The following TMEM41B variants were observed in gnomAD, a reference collection of about 807,000 sequenced individuals.
TMEM41B encodes protein stasimon.
In TMEM41B, 18 loss-of-function variants were observed where a neutral mutation model predicts 31.9. That is an observed-to-expected ratio of 0.56 (90% CI 0.39 to 0.84). The LOEUF (loss-of-function observed/expected upper bound fraction) is 0.84. TMEM41B is among the 40% of genes least tolerant of loss of function. The pLI is 0.00. For synonymous variants in TMEM41B, 144 were observed against 124.3 expected (o/e 1.16, Z -1.05); for missense variants, 322 against 348.0 (o/e 0.93, Z 0.59).
intron 1 of TMEM41B, among the ~76,000 whole-genome samples, chr11:9,310,208 G>C (rs1455989810): frequency 6.6e-6 from 1 of 151,514 alleles, no homozygotes; most frequent in Non-Finnish European, 1.5e-5. Flanking sequence ...GCTAATTTTT[G>C]TATTTTTAGT....
intron 1 of TMEM41B, among the ~76,000 whole-genome samples, chr11:9,306,536 A>T (rs1403964083): frequency 6.6e-6 from 1 of 152,066 alleles, no homozygotes; most frequent in African/African-American, 2.4e-5. Flanking sequence ...TACAAAAAAA[A>T]TTAGCCGGGC....
At chr11:9,291,456 C>CAGT (rs1322525587) in intron 3 of TMEM41B, among the ~76,000 whole-genome samples, 1 of 151,778 alleles carries the variant, frequency 6.6e-6, no homozygotes, top group Admixed American at 6.6e-5. Flanking sequence ...GGCTGGAGTG[C>CAGT]AGTGGCATGA....
intron 1 of TMEM41B, among the ~76,000 whole-genome samples, chr11:9,312,894 A>C (rs559779519): frequency 2.4e-5 from 3 of 124,262 alleles, no homozygotes; most frequent in Non-Finnish European, 4.9e-5. Flanking sequence ...ACAGACCGAG[A>C]CTCCGTCTCA....
At position 9,314,493 on chromosome 11, in the gene TMEM41B, A is replaced by G; in HGVS notation, c.-52T>C. On this transcript the variant is annotated 5_prime_UTR_variant, in exon 1 of 7. Transcript: ENST00000528080. The stretch of plus-strand genomic sequence containing the variant: ...GCGGTGCCGCGCCCCCTAAACAACA[A>G]AACTCTGTTGCAGGCTCCTTACTAC... 1 of 1,514,070 alleles carries G rather than the reference A, an allele frequency of 6.6e-7. No homozygotes were observed. Among genetic ancestry groups the G allele is most frequent in the Non-Finnish European group, 8.9e-7 (1 of 1,126,652 alleles). 93.8% of individuals were successfully genotyped at this position (1,514,070 alleles called of 1,614,324 possible).
At chr11:9,286,101 C>T (rs1354025936) in intron 6 of TMEM41B, among the ~76,000 whole-genome samples, 2 of 151,872 alleles carry the variant, frequency 1.3e-5, no homozygotes, top group Admixed American at 1.3e-4. Context: ...GGCGACAGAT[C>T]GAGACTCAGG....
intron 2 of TMEM41B, among the ~76,000 whole-genome samples, chr11:9,296,363 C>G (rs1350328107): frequency 6.6e-6 from 1 of 151,940 alleles, no homozygotes; most frequent in African/African-American, 2.4e-5. Flanking sequence ...TGGTGGCTCA[C>G]GCCTGTAACC....
chr11:9,312,857 T>C (rs557832637), intron 1 of TMEM41B, among the ~76,000 whole-genome samples: 35 of 146,518 alleles, frequency 2.4e-4, no homozygotes, highest in Admixed American at 2.0e-3. Context: ...TGAGCCAAGA[T>C]TGCGCCACTG....
chr11:9,295,145 T>A, intron 3 of TMEM41B, 114 bp downstream of exon 3: 1 of 1,147,054 alleles, frequency 8.7e-7, no homozygotes, highest in African/African-American at 1.6e-5. Context: ...TTTAATATTG[T>A]CACACTGCAA....
At position 9,298,112 on chromosome 11, in the gene TMEM41B, C is replaced by T. The variant is rs1229010094; in HGVS notation, c.239+1472G>A. Among the ~76,000 whole-genome samples, 3 of 149,386 alleles carry T rather than the reference C, an allele frequency of 2.0e-5. No homozygotes were observed. The East Asian group carries it at 5.9e-4, about 29-fold the overall frequency. On this transcript the variant is annotated intron_variant, in intron 2 of 6. Transcript: ENST00000528080. ...AGGTGTGAGCCCCTCTTTCTCAAGT[C>T]CAGTAAGATACCCAGTAAACTAAAG...
At chr11:9,300,650 G>A (rs915425600) in intron 1 of TMEM41B, among the ~76,000 whole-genome samples, 6 of 152,006 alleles carry the variant, frequency 3.9e-5, no homozygotes, top group South Asian at 2.1e-4. Context: ...AGGCCGAAGC[G>A]GGCAGATCAT....
At chr11:9,296,948 A>G (rs1326941988) in intron 2 of TMEM41B, among the ~76,000 whole-genome samples, 2 of 151,042 alleles carry the variant, frequency 1.3e-5, no homozygotes, top group Non-Finnish European at 3.0e-5. Context: ...GCAGGCTCCC[A>G]TGCTCTGTCA....
chr11:9,312,903 CAAAAA>C (rs36030741), intron 1 of TMEM41B, among the ~76,000 whole-genome samples: 1 of 95,338 alleles, frequency 1.0e-5, no homozygotes. Flanking sequence ...GACTCCGTCT[CAAAAA>C]AAAAAAAAAA....
At chr11:9,299,064 T>C (rs1053844160) in intron 2 of TMEM41B, among the ~76,000 whole-genome samples, 1 of 151,762 alleles carries the variant, frequency 6.6e-6, no homozygotes, top group Non-Finnish European at 1.5e-5. Context: ...GTGGATCACC[T>C]GAGGTCAGGA....
Position 9,295,326 on chromosome 11 carries a change from CTT to C in TMEM41B, c.299_300del (p.Lys100SerfsTer91). 6.2e-7 allele frequency: 1 copy of C among 1,600,474 alleles called. No homozygotes were observed. The highest frequency in any genetic ancestry group is 8.5e-7 in the Non-Finnish European group (1 of 1,171,974). ...AAGGTGTCCTTGTATTTGGATAAAA[CTT>C]TTCCTAGAGCCTTGGCATCATCCAT... ...RDMDDAKALG[K>X]VLSKYKDTFY... On this transcript the variant is annotated frameshift_variant, in exon 3 of 7. Transcript: ENST00000528080. LOFTEE classifies it high-confidence loss of function.
rs529612865 is a variant in TMEM41B at position 9,314,501 on chromosome 11, T to G, written c.-60A>C. The stretch of plus-strand genomic sequence containing the variant: ...GCGCCCCCTAAACAACAAAACTCTG[T>G]TGCAGGCTCCTTACTACGCCGAAGC... On this transcript the variant is annotated 5_prime_UTR_variant, in exon 1 of 7. Transcript: ENST00000528080. 3.7e-4 allele frequency: 553 copies of G among 1,500,620 alleles called. No individual in the cohort carries two copies. Among genetic ancestry groups the G allele is most frequent in the Admixed American group, 4.1e-4 (19 of 46,006 alleles). The allele number at this position is 1,500,620 out of a possible 1,614,324, so 93.0% of individuals were successfully genotyped here.
At chr11:9,294,401 T>A (rs1431959451) in intron 3 of TMEM41B, among the ~76,000 whole-genome samples, 2 of 150,246 alleles carry the variant, frequency 1.3e-5, no homozygotes, top group Admixed American at 1.3e-4. Flanking sequence ...AGGCTGAGAC[T>A]GGAGAATCGC....
chr11:9,314,528 CCA>C lies in TMEM41B; in HGVS notation c.-89_-88del, dbSNP rs1390377003. On this transcript the variant is annotated 5_prime_UTR_variant, in exon 1 of 7. Transcript: ENST00000528080. The stretch of plus-strand genomic sequence containing the variant: ...GCAGGCTCCTTACTACGCCGAAGCG[CCA>C]CGGCTAGAGCCACTTCCGGCGCGAC... The C allele has an allele frequency of 6.0e-5, 87 of 1,453,792 alleles. No homozygotes were observed. Among genetic ancestry groups the C allele is most frequent in the Non-Finnish European group, 1.4e-5 (15 of 1,100,020 alleles). The allele number at this position is 1,453,792 out of a possible 1,614,324, so 90.1% of individuals were successfully genotyped here.
intron 3 of TMEM41B, among the ~76,000 whole-genome samples, chr11:9,290,344 A>G (rs528548099): frequency 1.2e-3 from 176 of 152,250 alleles, no homozygotes; most frequent in African/African-American, 4.1e-3. Context: ...CGCCACTGCA[A>G]GCCAGCCTGG....
At chr11:9,301,044 T>A (rs542594497) in intron 1 of TMEM41B, among the ~76,000 whole-genome samples, 1 of 152,082 alleles carries the variant, frequency 6.6e-6, no homozygotes, top group Non-Finnish European at 1.5e-5. Context: ...GTGACTCAAT[T>A]TTTATTTTAC....
Sources: gnomAD v4.1 joint callset for allele counts (sites outside exome capture counted in the v4.1 genomes callset) on GRCh38, gnomAD v4.1.1 for gene constraint, MANE v1.5 for transcripts, NCBI Gene and HGNC (gene_info 2026-07-23, HGNC 2026-07-21) for gene names.